MED24: variants seen among roughly 807,000 people sequenced by gnomAD.
MED24 encodes mediator of RNA polymerase II transcription subunit 24.
In MED24, 74 loss-of-function variants were observed where a neutral mutation model predicts 118.8. The observed-to-expected ratio is 0.62, with a 90% CI of 0.52 to 0.76. The LOEUF (loss-of-function observed/expected upper bound fraction) is 0.76, where lower values mean the gene tolerates loss of function less well. Among genes scored for constraint, MED24 ranks in the 30% least tolerant of loss-of-function variants. The probability of loss-of-function intolerance (pLI) is 0.00; values close to 1 mark genes in which losing one functional copy is unlikely to be tolerated. For synonymous variants in MED24, 521 were observed against 523.9 expected, an observed-to-expected ratio of 0.99 and a Z score of 0.08; for missense variants, 1,041 against 1,278.9, an observed-to-expected ratio of 0.81 and a Z score of 2.84.
At chr17:40,027,312 C>G (rs1982787999) in intron 16 of MED24, 71 bp downstream of exon 16, 1 of 1,484,088 alleles carries the variant, frequency 6.7e-7, no homozygotes, top group Non-Finnish European at 9.1e-7. Flanking sequence ...GGGGCGCAGG[C>G]AGTGAGGTGG....
intron 3 of MED24, among the ~76,000 whole-genome samples, chr17:40,046,489 T>C (rs565866276): frequency 1.3e-4 from 20 of 149,978 alleles, no homozygotes; most frequent in Middle Eastern, 3.4e-3. Flanking sequence ...CTCACGCCTG[T>C]AATCCCAGCA....
At chr17:40,029,661 G>A in intron 13 of MED24, 87 bp downstream of exon 13, 2 of 1,243,580 alleles carry the variant, frequency 1.6e-6, no homozygotes, top group Non-Finnish European at 2.3e-6. Flanking sequence ...ACAGAGGTCT[G>A]TGGCCTCTGT....
At position 40,020,328 on chromosome 17, in the gene MED24, G is replaced by A. The variant is rs756260377; in HGVS notation, c.2649C>T (p.Leu883=). Residue 883 remains leucine, a synonymous_variant, in exon 24 of 26, where the codon CTC becomes CTT. Coordinates refer to ENST00000394128, the MANE Select transcript of MED24 (RefSeq NM_014815.4). ...SPTDRSMSSS[L]SASQLHTVNM... is the part of the protein sequence containing the mutation. ...TGACCGTGTGGAGCTGAGAGGCTGAGAGGGAGCTGCTCATGGATCGGTCTG... is the reference window on the plus strand; with the variant it reads ...TGACCGTGTGGAGCTGAGAGGCTGAAAGGGAGCTGCTCATGGATCGGTCTG... The A allele has an allele frequency of 5.6e-6, 9 of 1,598,206 alleles. No individual in the cohort carries two copies. Among genetic ancestry groups the A allele is most frequent in the Non-Finnish European group, 7.7e-6 (9 of 1,172,416 alleles).
intron 20 of MED24, 118 bp from the exon 21 acceptor site, chr17:40,022,944 C>T (rs1220274472): frequency 1.5e-6 from 2 of 1,362,808 alleles, no homozygotes; most frequent in Non-Finnish European, 9.9e-7. Context: ...CCAGATGTTG[C>T]TCCGCCCCTC....
chr17:40,028,720 T>G (rs1598342935), intron 14 of MED24, 106 bp downstream of exon 14: 165 of 1,469,858 alleles, frequency 1.1e-4, no homozygotes, highest in Admixed American at 7.7e-4. Flanking sequence ...GGCCCGTGGG[T>G]CTCTGGATGA....
intron 3 of MED24, among the ~76,000 whole-genome samples, chr17:40,052,488 A>G (rs1407787893): frequency 1.3e-5 from 2 of 152,190 alleles, no homozygotes; most frequent in East Asian, 1.9e-4. Flanking sequence ...GTGTACTGAC[A>G]TCGGGTTTTG....
rs191687997 is a variant in MED24 at position 40,047,982 on chromosome 17, G to A, written c.213+5316C>T. Among the ~76,000 whole-genome samples the A allele has an allele frequency of 9.8e-5, 15 of 152,290 alleles. No homozygotes were observed. The East Asian group carries it at 1.9e-3, about 20-fold the overall frequency. Reference sequence around the variant, plus strand: ...TGACCTCAGGTGATACACTCGCCTCGGCCTCCCAAAGTGCTGGGATTACAG... The same window carrying A: ...TGACCTCAGGTGATACACTCGCCTCAGCCTCCCAAAGTGCTGGGATTACAG... On this transcript the variant is annotated intron_variant, in intron 3 of 25. Transcript: ENST00000394128.
chr17:40,023,934 C>T (rs577953951), intron 19 of MED24, among the ~76,000 whole-genome samples: 6 of 152,246 alleles, frequency 3.9e-5, no homozygotes, highest in African/African-American at 1.2e-4. Context: ...AATACAGACC[C>T]GGGCCGAGTG....
chr17:40,044,498 C>T (rs1276929711), intron 3 of MED24, among the ~76,000 whole-genome samples: 8 of 150,322 alleles, frequency 5.3e-5, no homozygotes, highest in East Asian at 3.9e-4. Context: ...CCAGCCTGGG[C>T]GACAGAGGGA....
chr17:40,020,573 A>T (rs1981855372), intron 23 of MED24: 3 of 992,460 alleles, frequency 3.0e-6, no homozygotes, highest in African/African-American at 1.6e-5. Context: ...GGATCGCTTG[A>T]GTCCAGGAGT....
At chr17:40,046,511 C>T (rs531240999) in intron 3 of MED24, among the ~76,000 whole-genome samples, 176 of 148,742 alleles carry the variant, frequency 1.2e-3, no homozygotes, top group Non-Finnish European at 2.2e-3. Flanking sequence ...TTTGGGAGGC[C>T]GAGGCGGGCG....
chr17:40,023,218 C>T lies in MED24; in HGVS notation c.2163G>A (p.Lys721=), dbSNP rs544847832. The T allele has an allele frequency of 8.7e-5, 140 of 1,614,174 alleles. 2 individuals are homozygous for T. The South Asian group carries it at 1.4e-3, about 16-fold the overall frequency. The stretch of plus-strand genomic sequence containing the variant: ...GGATGGAGCGGCTGTCCACCCAGCC[C>T]TTCTCCAGCACCTTGGCAAAAATGT... ...LTDIFAKVLE[K]GWVDSRSIHI... is the part of the protein sequence containing the mutation. The change falls in exon 20 of 26, where the codon AAG becomes AAA. Residue 721 remains lysine (K), a synonymous_variant. Transcript: ENST00000394128.
chr17:40,032,676 G>A lies in MED24; in HGVS notation c.909C>T (p.Leu303=). The change falls in exon 9 of 26, where the codon CTC becomes CTT. Residue 303 remains leucine, a synonymous_variant. Coordinates refer to ENST00000394128, the MANE Select transcript of MED24 (RefSeq NM_014815.4). ...TGAGGAAAGTGAAAGCTGTCCACTT[G>A]AGCTCCTCCGTACCCTCGGGAGACT... ...LIESPEGTEE[L]KWTAFTFLKI... is the part of the protein sequence containing the mutation. 6.2e-7 allele frequency: 1 copy of A among 1,613,730 alleles called. No individual in the cohort carries two copies. Among genetic ancestry groups the A allele is most frequent in the Non-Finnish European group, 8.5e-7 (1 of 1,179,870 alleles).
At position 40,033,991 on chromosome 17, in the gene MED24, C is replaced by A. The variant is rs1267667299; in HGVS notation, c.560-535G>T. Among the ~76,000 whole-genome samples, 1 of 152,182 alleles carries A rather than the reference C, an allele frequency of 6.6e-6. No individual in the cohort carries two copies. Among genetic ancestry groups the A allele is most frequent in the Non-Finnish European group, 1.5e-5 (1 of 68,030 alleles). ...TCCCACCATGCTCTAAGCTTCTGTT[C>A]AAGCCCCAGTTCCTTTAGCAACTCA... On this transcript the variant is annotated intron_variant, in intron 6 of 25. Transcript: ENST00000394128. This position sits in a 1 kb window ranked among gnomAD's most constrained non-coding sequence, Gnocchi z 5.2.
intron 3 of MED24, among the ~76,000 whole-genome samples, chr17:40,046,569 C>A (rs1207401434): frequency 8.2e-5 from 12 of 145,492 alleles, no homozygotes; most frequent in Middle Eastern, 3.9e-3. Context: ...AACGGTGAAA[C>A]CCCGTCTCTA....
Position 40,020,254 on chromosome 17 carries a change from G to T in MED24, c.2704+19C>A, listed in dbSNP as rs377766489. On this transcript the variant is annotated intron_variant, in intron 24 of 25. Transcript: ENST00000394128. The stretch of plus-strand genomic sequence containing the variant: ...GTCCAGCTTAGCCCCAGGTTCGGCA[G>T]CAGGGGTGGGGAACTCACCCAGGAC... The T allele has an allele frequency of 1.3e-5, 19 of 1,500,386 alleles. No homozygotes were observed. In the African/African-American group the frequency reaches 2.4e-4, roughly 19 times the overall value. 92.9% of individuals were successfully genotyped at this position (1,500,386 alleles called of 1,614,324 possible). A position where few individuals can be genotyped will look rare whatever the true frequency, so the allele number is the denominator to read the frequency against.
At chr17:40,046,041 TG>T (rs1320173009) in intron 3 of MED24, among the ~76,000 whole-genome samples, 3 of 150,884 alleles carry the variant, frequency 2.0e-5, no homozygotes, top group Non-Finnish European at 4.4e-5. Context: ...CCTCCCAAAG[TG>T]CTGGGATTAC....
chr17:40,031,699 G>A, intron 10 of MED24, 79 bp from the exon 11 acceptor site: 1 of 1,381,432 alleles, frequency 7.2e-7, no homozygotes, highest in South Asian at 1.2e-5. Context: ...GTCTGCTGGA[G>A]GCATCGGCCT....
rs757798202 is a variant in MED24 at position 40,033,245 on chromosome 17, C to G, written c.672-39G>C. 1 of 1,612,666 alleles carries G rather than the reference C, an allele frequency of 6.2e-7. No homozygotes were observed. The highest frequency in any genetic ancestry group is 1.7e-5 in the Admixed American group (1 of 60,014). On this transcript the variant is annotated intron_variant, in intron 7 of 25. Transcript: ENST00000394128. The surrounding 1 kb of genome is among the most constrained non-coding windows in gnomAD (Gnocchi z 5.2). The stretch of plus-strand genomic sequence containing the variant: ...AACACAGGGGACGGTGTTTGGGGGG[C>G]CAAAGGTGAAGGCGGAGAGGATGGC...
Sources: allele counts gnomAD v4.1 joint callset (sites outside exome capture counted in the v4.1 genomes callset), GRCh38; gene constraint gnomAD v4.1.1; non-coding constraint Gnocchi (gnomAD v3.1); transcripts MANE v1.5; gene names NCBI Gene and HGNC (gene_info 2026-07-23, HGNC 2026-07-21).